Variants in ZMAT4 observed in about 807,000 individuals in gnomAD.
ZMAT4 encodes the protein zinc finger matrin-type 4.
Under a neutral mutation model 28.7 loss-of-function variants are expected in ZMAT4, and 17 were observed. That is an observed-to-expected ratio of 0.59 (90% CI 0.41 to 0.89). The LOEUF (loss-of-function observed/expected upper bound fraction) is 0.89, where lower values mean the gene tolerates loss of function less well. Among genes scored for constraint, ZMAT4 ranks in the 40% least tolerant of loss-of-function variants. The probability of loss-of-function intolerance (pLI) is 0.00; values close to 1 mark genes in which losing one functional copy is unlikely to be tolerated. For synonymous variants in ZMAT4, 117 were observed against 109.2 expected (o/e 1.07, Z -0.44); for missense variants, 240 against 283.8 (o/e 0.85, Z 1.11).
intron 1 of ZMAT4, among the ~76,000 whole-genome samples, chr8:40,849,154 T>C (rs942309305): frequency 1.3e-5 from 2 of 152,146 alleles, no homozygotes; most frequent in African/African-American, 4.8e-5. Flanking sequence ...AGCCTGCAAA[T>C]CTAGGAACAA....
chr8:40,742,788 C>A (rs1344511862), intron 3 of ZMAT4, among the ~76,000 whole-genome samples: 1 of 151,472 alleles, frequency 6.6e-6, no homozygotes, highest in Non-Finnish European at 1.5e-5. Flanking sequence ...CACACACACA[C>A]ACACAAACAG....
At chr8:40,810,691 T>A (rs1815280535) in intron 2 of ZMAT4, among the ~76,000 whole-genome samples, 1 of 152,138 alleles carries the variant, frequency 6.6e-6, no homozygotes, top group African/African-American at 2.4e-5. Context: ...TAGAGCAAAA[T>A]GTTTACTAAA....
At chr8:40,570,754 A>AAT (rs1804072276) in intron 6 of ZMAT4, among the ~76,000 whole-genome samples, 1 of 152,078 alleles carries the variant, frequency 6.6e-6, no homozygotes, top group African/African-American at 2.4e-5. Context: ...AAACAAAAAA[A>AAT]CCTTGTGAAG....
At chr8:40,591,223 TGGTGTA>T (rs1316949969) in intron 5 of ZMAT4, among the ~76,000 whole-genome samples, 1 of 152,120 alleles carries the variant, frequency 6.6e-6, no homozygotes, top group Non-Finnish European at 1.5e-5. Context: ...TGTATGAAGG[TGGTGTA>T]GGTAAAGAGA....
At chr8:40,655,376 C>T (rs537686464) in intron 5 of ZMAT4, among the ~76,000 whole-genome samples, 2 of 151,774 alleles carry the variant, frequency 1.3e-5, no homozygotes, top group South Asian at 4.2e-4. Flanking sequence ...TGGCAATATT[C>T]CTCAAAATTA....
At chr8:40,837,260 T>A (rs955227299) in intron 1 of ZMAT4, among the ~76,000 whole-genome samples, 10 of 152,342 alleles carry the variant, frequency 6.6e-5, no homozygotes, top group African/African-American at 2.4e-4. Flanking sequence ...CCTCTCCTTC[T>A]GCAGGCTGGA....
intron 3 of ZMAT4, among the ~76,000 whole-genome samples, chr8:40,714,300 G>A (rs764628797): frequency 6.6e-5 from 10 of 152,108 alleles, no homozygotes; most frequent in Admixed American, 2.0e-4. Flanking sequence ...CTAAGGTGCC[G>A]ATTATAACAG....
chr8:40,885,028 T>G (rs1586223138), intron 1 of ZMAT4: 1 of 152,130 alleles, frequency 6.6e-6, no homozygotes, highest in Admixed American at 6.6e-5. Flanking sequence ...TTCTACGTCC[T>G]GTCTGTCTAC....
intron 1 of ZMAT4, among the ~76,000 whole-genome samples, chr8:40,859,763 A>G (rs767097793): frequency 6.6e-6 from 1 of 152,094 alleles, no homozygotes; most frequent in Non-Finnish European, 1.5e-5. Context: ...CTTGATGACT[A>G]TGAGCAGCCA....
intron 6 of ZMAT4, among the ~76,000 whole-genome samples, chr8:40,545,778 T>C (rs1803182612): frequency 6.6e-6 from 1 of 151,646 alleles, no homozygotes; most frequent in Non-Finnish European, 1.5e-5. Flanking sequence ...AATCCATTTC[T>C]GTTGTTTACG....
intron 3 of ZMAT4, among the ~76,000 whole-genome samples, chr8:40,757,240 C>T (rs1812735984): frequency 6.6e-6 from 1 of 152,154 alleles, no homozygotes; most frequent in Non-Finnish European, 1.5e-5. Flanking sequence ...CACTACCCTG[C>T]CCATGGCTGT....
intron 5 of ZMAT4, among the ~76,000 whole-genome samples, chr8:40,629,603 G>A (rs1350630725): frequency 2.8e-4 from 39 of 138,228 alleles, no homozygotes; most frequent in Admixed American, 2.8e-3. Flanking sequence ...TCCTCTTCCT[G>A]TGTCCAAGTG....
chr8:40,582,967 G>A (rs781754698), intron 5 of ZMAT4, among the ~76,000 whole-genome samples: 1 of 152,186 alleles, frequency 6.6e-6, no homozygotes, highest in Non-Finnish European at 1.5e-5. Flanking sequence ...AGTGCAGAAC[G>A]TCCAGGGGAA....
intron 4 of ZMAT4, among the ~76,000 whole-genome samples, chr8:40,695,531 G>A (rs558307163): frequency 1.1e-4 from 17 of 152,198 alleles, no homozygotes; most frequent in Non-Finnish European, 2.2e-4. Context: ...CCAGCAACCT[G>A]GTTTCTGCAA....
At chr8:40,878,951 G>T (rs573037256) in intron 1 of ZMAT4, among the ~76,000 whole-genome samples, 1 of 152,282 alleles carries the variant, frequency 6.6e-6, no homozygotes, top group East Asian at 1.9e-4. Context: ...AAGAAGAGAG[G>T]GCAGCTGATT....
chr8:40,596,341 GCTTA>G (rs1477094406), intron 5 of ZMAT4, among the ~76,000 whole-genome samples: 1 of 152,112 alleles, frequency 6.6e-6, no homozygotes, highest in African/African-American at 2.4e-5. Context: ...ATCAACTTCA[GCTTA>G]CTTTAATTTT....
intron 5 of ZMAT4, among the ~76,000 whole-genome samples, chr8:40,629,513 G>A (rs563476897): frequency 2.0e-5 from 3 of 151,504 alleles, no homozygotes; most frequent in Non-Finnish European, 4.4e-5. Flanking sequence ...CCATTAACTC[G>A]TCATTTAGCA....
chr8:40,881,130 T>C (rs1289661425), intron 1 of ZMAT4, among the ~76,000 whole-genome samples: 1 of 152,156 alleles, frequency 6.6e-6, no homozygotes, highest in Non-Finnish European at 1.5e-5. Flanking sequence ...GTAATCTCAG[T>C]GCTTTGAGAG....
intron 1 of ZMAT4, among the ~76,000 whole-genome samples, chr8:40,872,103 C>T (rs1817878437): frequency 6.6e-6 from 1 of 152,174 alleles, no homozygotes; most frequent in Non-Finnish European, 1.5e-5. Flanking sequence ...TGGGGAGCAC[C>T]TTCCAGGACC....
Sources: gnomAD v4.1 joint callset for allele counts (sites outside exome capture counted in the v4.1 genomes callset) on GRCh38, gnomAD v4.1.1 for gene constraint, MANE v1.5 for transcripts, NCBI Gene and HGNC (gene_info 2026-07-23, HGNC 2026-07-21) for gene names.